The following NECAB1 variants were observed in gnomAD, a reference collection of about 807,000 sequenced individuals.
The protein encoded by NECAB1 is N-terminal EF-hand calcium binding protein 1.
A neutral mutation model predicts 57.5 loss-of-function variants in NECAB1; 29 were observed. The ratio of observed to expected loss-of-function variants is 0.50; its 90% CI spans 0.38 to 0.69. NECAB1 has a LOEUF of 0.69. Ranked by LOEUF, NECAB1 falls within the 30% of genes least tolerant of loss-of-function variation. The pLI is 0.00. For synonymous variants in NECAB1, 142 were observed against 147.7 expected (o/e 0.96, Z 0.28); for missense variants, 372 against 413.8 (o/e 0.90, Z 0.88).
intron 2 of NECAB1, among the ~76,000 whole-genome samples, chr8:90,819,580 C>G (rs1812110987): frequency 1.3e-5 from 2 of 151,928 alleles, no homozygotes; most frequent in Admixed American, 6.6e-5. Flanking sequence ...AGGACTAAGT[C>G]TGGCAGCTCT....
chr8:90,927,610 TACACACACACAC>T (rs71560287), intron 7 of NECAB1, among the ~76,000 whole-genome samples: 13 of 143,876 alleles, frequency 9.0e-5, no homozygotes, highest in Admixed American at 4.2e-4. Context: ...TGGTGCTAGA[TACACACACACAC>T]ACACACACAC....
At chr8:90,904,110 G>A (rs1236333555) in intron 5 of NECAB1, among the ~76,000 whole-genome samples, 1 of 152,082 alleles carries the variant, frequency 6.6e-6, no homozygotes, top group Non-Finnish European at 1.5e-5. Context: ...ACTTTCCTGG[G>A]TGGAGGGGAA....
At chr8:90,813,234 T>TACACACAC (rs398008736) in intron 2 of NECAB1, 1,909 of 85,456 alleles carry the variant, frequency 0.022, 16 homozygotes, top group South Asian at 0.055. Context: ...TATGTATATA[T>TACACACAC]ACACACACAC....
intron 3 of NECAB1, among the ~76,000 whole-genome samples, chr8:90,843,435 T>A (rs970886100): frequency 6.6e-6 from 1 of 152,246 alleles, no homozygotes; most frequent in Non-Finnish European, 1.5e-5. Flanking sequence ...CTCCTTCTGT[T>A]CTTTTTCTTT....
chr8:90,957,257 C>G lies in NECAB1; in HGVS notation c.*1745C>G, dbSNP rs199652987. 1 of 151,886 alleles carries G rather than the reference C, an allele frequency of 6.6e-6. No individual in the cohort carries two copies. The highest frequency in any genetic ancestry group is 1.5e-5 in the Non-Finnish European group (1 of 67,894). The allele number at this position is 151,886 out of a possible 1,614,324, so 9.4% of individuals were successfully genotyped here. The stretch of plus-strand genomic sequence containing the variant: ...TGAGAATGTTTGTTGTAAATGGTTT[C>G]AAAAATACAAATTATAGCCAATCAA... On this transcript the variant is annotated 3_prime_UTR_variant, in exon 13 of 13. Coordinates refer to ENST00000417640, the MANE Select transcript of NECAB1 (RefSeq NM_022351.5).
At chr8:90,917,870 A>ATATATATATATATATATATATATGTG (rs1554575432) in intron 6 of NECAB1, among the ~76,000 whole-genome samples, 60 of 64,300 alleles carry the variant, frequency 9.3e-4, no homozygotes, top group Non-Finnish European at 1.1e-3. Flanking sequence ...ATATATATAT[A>ATATATATATATATATATATATATGTG]TGTGTGTGTG....
chr8:90,799,837 T>TA (rs1811731173), intron 1 of NECAB1, among the ~76,000 whole-genome samples: 1 of 152,190 alleles, frequency 6.6e-6, no homozygotes, highest in South Asian at 2.1e-4. Context: ...TCTAATTCTG[T>TA]AAAAAATGAC....
intron 3 of NECAB1, among the ~76,000 whole-genome samples, chr8:90,865,377 G>A (rs548622629): frequency 6.6e-6 from 1 of 152,212 alleles, no homozygotes; most frequent in East Asian, 1.9e-4. Context: ...ACTCCTGATA[G>A]AGGGGTGTGT....
At chr8:90,902,601 T>C (rs1173034890) in intron 5 of NECAB1, among the ~76,000 whole-genome samples, 1 of 152,186 alleles carries the variant, frequency 6.6e-6, no homozygotes, top group African/African-American at 2.4e-5. Flanking sequence ...ATTCTATAAA[T>C]GTTCAAGTTT....
chr8:90,867,963 C>G (rs1012693349), intron 3 of NECAB1, among the ~76,000 whole-genome samples: 3 of 152,138 alleles, frequency 2.0e-5, no homozygotes, highest in Non-Finnish European at 4.4e-5. Flanking sequence ...GGAGAGAAAC[C>G]TGGGGAGAGG....
rs369259484 is a variant in NECAB1, at chr8:90,847,290, A to G, written c.233+22465A>G. ...TAAAGTTCCAAACTGATCTCCTTTG[A>G]CTCTGTGTCTCACATCCAGGTCACG... On this transcript the variant is annotated intron_variant, in intron 3 of 12. Coordinates refer to ENST00000417640, the MANE Select transcript of NECAB1 (RefSeq NM_022351.5). 3.9e-5 allele frequency among the ~76,000 whole-genome samples: 6 copies of G among 152,188 alleles called. No individual in the cohort carries two copies. The East Asian group carries it at 7.7e-4, about 20-fold the overall frequency.
rs1811039306 is a variant in NECAB1 at position 90,956,731 on chromosome 8, A to C, written c.*1219A>C. The C allele has an allele frequency of 6.6e-6, 1 of 152,016 alleles. No individual in the cohort carries two copies. Among genetic ancestry groups the C allele is most frequent in the Non-Finnish European group, 1.5e-5 (1 of 67,848 alleles). 9.4% of individuals were successfully genotyped at this position (152,016 alleles called of 1,614,324 possible). Reference sequence around the variant, plus strand: ...TTTCCTGTTTTTCCCCCTTTGAAAAACTCAGGAAAAAAGGAAGATTGAACT... The same window carrying C: ...TTTCCTGTTTTTCCCCCTTTGAAAACCTCAGGAAAAAAGGAAGATTGAACT... On this transcript the variant is annotated 3_prime_UTR_variant, in exon 13 of 13. Transcript: ENST00000417640.
intron 5 of NECAB1, among the ~76,000 whole-genome samples, chr8:90,892,010 A>G (rs1809187393): frequency 6.6e-6 from 1 of 152,138 alleles, no homozygotes; most frequent in Non-Finnish European, 1.5e-5. Flanking sequence ...ATACTTTTAT[A>G]CTTGATAAAG....
At position 90,955,491 on chromosome 8, in the gene NECAB1, G is replaced by C; in HGVS notation, c.1035G>C (p.Ser345=). 2 of 1,549,110 alleles carry C rather than the reference G, an allele frequency of 1.3e-6. No individual in the cohort carries two copies. Among genetic ancestry groups the C allele is most frequent in the South Asian group, 1.2e-5 (1 of 83,004 alleles). Residue 345 remains serine, a synonymous_variant, in exon 13 of 13, where the codon TCG becomes TCC. Coordinates refer to ENST00000417640, the MANE Select transcript of NECAB1 (RefSeq NM_022351.5). ...AAAACATTTTTCTCTTTTCAGCTTC[G>C]TGGTGGATCCTGAACAACTAGATGT... ...ELTSTMLVPA[S]WWILNN
At chr8:90,931,161 A>ATGGGGCTCCAGCTGTG (rs1176889536) in intron 8 of NECAB1, among the ~76,000 whole-genome samples, 3 of 152,162 alleles carry the variant, frequency 2.0e-5, no homozygotes, top group African/African-American at 7.2e-5. Flanking sequence ...GGTTTTCAGC[A>ATGGGGCTCCAGCTGTG]TGGGGCTCCA....
chr8:90,836,237 G>T (rs1239266546), intron 3 of NECAB1, among the ~76,000 whole-genome samples: 2 of 152,006 alleles, frequency 1.3e-5, no homozygotes, highest in Non-Finnish European at 2.9e-5. Flanking sequence ...TTAAAAAGAC[G>T]CTCCAACATT....
chr8:90,881,483 G>T (rs2129878802), intron 5 of NECAB1, among the ~76,000 whole-genome samples: 1 of 152,242 alleles, frequency 6.6e-6, no homozygotes, highest in African/African-American at 2.4e-5. Flanking sequence ...GGAGATGATT[G>T]GATCATGGAT....
chr8:90,839,444 G>A (rs954066278), intron 3 of NECAB1, among the ~76,000 whole-genome samples: 2 of 152,200 alleles, frequency 1.3e-5, no homozygotes, highest in Admixed American at 6.5e-5. Context: ...GAATATAGTG[G>A]TGGTAAACAA....
At position 90,955,657 on chromosome 8, in the gene NECAB1, T is replaced by G. The variant is rs1305882799; in HGVS notation, c.*145T>G. 5.9e-6 allele frequency: 3 copies of G among 504,264 alleles called. No homozygotes were observed. In the African/African-American group the frequency reaches 6.0e-5, roughly 10 times the overall value. 31.2% of individuals were successfully genotyped at this position (504,264 alleles called of 1,614,324 possible). On this transcript the variant is annotated 3_prime_UTR_variant, in exon 13 of 13. Transcript: ENST00000417640. Reference sequence around the variant, plus strand: ...CTAAGTGCACTCTTTCAAAACTTATTCTATAACTTTATCAATTCATGTGAA... The same window carrying G: ...CTAAGTGCACTCTTTCAAAACTTATGCTATAACTTTATCAATTCATGTGAA...
Sources: gnomAD v4.1 joint callset for allele counts (sites outside exome capture counted in the v4.1 genomes callset) on GRCh38, gnomAD v4.1.1 for gene constraint, MANE v1.5 for transcripts, NCBI Gene and HGNC (gene_info 2026-07-23, HGNC 2026-07-21) for gene names.